The following PDZD2 variants were observed in gnomAD, a reference collection of about 807,000 sequenced individuals.
PDZD2 encodes PDZ domain containing 2.
Under a neutral mutation model 220.7 loss-of-function variants are expected in PDZD2, and 90 were observed. The observed-to-expected ratio is 0.41, with a 90% CI of 0.34 to 0.49. The LOEUF (loss-of-function observed/expected upper bound fraction) is 0.49, where lower values mean the gene tolerates loss of function less well. PDZD2 is among the 20% of genes least tolerant of loss of function. The probability of loss-of-function intolerance (pLI) is 0.28; values close to 1 mark genes in which losing one functional copy is unlikely to be tolerated. For missense variants in PDZD2, 3,174 were observed against 3,608.5 expected (o/e 0.88, Z 3.08); for synonymous variants, 1,375 against 1,450.5 (o/e 0.95, Z 1.18).
intron 2 of PDZD2, chr5:31,823,044 T>G (rs1282147255): frequency 8.7e-7 from 1 of 1,143,462 alleles, no homozygotes; most frequent in Non-Finnish European, 1.2e-6. Flanking sequence ...GCAGGGTTCC[T>G]CTGGGGCCCT....
intron 1 of PDZD2, among the ~76,000 whole-genome samples, chr5:31,640,657 T>A (rs1744914512): frequency 6.6e-6 from 1 of 152,072 alleles, no homozygotes; most frequent in African/African-American, 2.4e-5. Flanking sequence ...TTGTGGGTTG[T>A]GACTTCTGGG....
In PDZD2 at chr5:32,074,451, C is replaced by A; in HGVS notation, c.3345C>A (p.Gly1115=). The A allele has an allele frequency of 3.1e-6, 5 of 1,614,218 alleles. No homozygotes were observed. The highest frequency in any genetic ancestry group is 3.4e-6 in the Non-Finnish European group (4 of 1,180,032). ...SSPQQKSEGL[G]SRHRPVARVS... is the part of the protein sequence containing the mutation. ...CCCAGCAGAAAAGTGAAGGCCTGGGCTCCAGGCACAGACCAGTGGCCAGGG... is the reference window on the plus strand; with the variant it reads ...CCCAGCAGAAAAGTGAAGGCCTGGGATCCAGGCACAGACCAGTGGCCAGGG... Residue 1115 remains glycine (G), a synonymous_variant, in exon 18 of 25, where the codon GGC becomes GGA. Transcript: ENST00000438447.
intron 2 of PDZD2, 113 bp downstream of exon 2, chr5:31,799,837 A>G (rs1368249344): frequency 8.4e-6 from 6 of 714,368 alleles, no homozygotes; most frequent in Admixed American, 7.1e-5. Flanking sequence ...TGATGGCATA[A>G]GAAATGTCTC....
Position 32,069,560 on chromosome 5 carries a change from GA to G in PDZD2, c.2452-5del. 1.3e-6 allele frequency: 2 copies of G among 1,534,004 alleles called. No homozygotes were observed. The highest frequency in any genetic ancestry group is 1.8e-6 in the Non-Finnish European group (2 of 1,107,084). Reference sequence around the variant, plus strand: ...AACCATCTAATCTTTGCTTTCTGCTGAAAATCAGGTTTCCGAGCAGGAAATG... The same window carrying G: ...AACCATCTAATCTTTGCTTTCTGCTGAAATCAGGTTTCCGAGCAGGAAATG... On this transcript the variant is annotated splice_region_variant and splice_polypyrimidine_tract_variant and intron_variant, in intron 14 of 24. Transcript: ENST00000438447.
intron 1 of PDZD2, among the ~76,000 whole-genome samples, chr5:31,664,122 G>A (rs1423999687): frequency 1.3e-5 from 2 of 151,978 alleles, no homozygotes; most frequent in African/African-American, 4.8e-5. Flanking sequence ...TGTGTATTAG[G>A]GTAATGATAG....
chr5:31,713,321 C>T (rs913500830), intron 1 of PDZD2, among the ~76,000 whole-genome samples: 7 of 152,238 alleles, frequency 4.6e-5, no homozygotes, highest in African/African-American at 1.4e-4. Flanking sequence ...CTGGACGACC[C>T]TAGCTTCTGG....
At chr5:31,840,960 T>C (rs1414778094) in intron 2 of PDZD2, 1 of 453,906 alleles carries the variant, frequency 2.2e-6, no homozygotes, top group South Asian at 4.7e-5. Context: ...TCTTTCTCTT[T>C]GTGTTTCTCA....
intron 6 of PDZD2, among the ~76,000 whole-genome samples, chr5:32,024,696 AAG>A (rs1472157794): frequency 1.9e-5 from 2 of 104,350 alleles, no homozygotes; most frequent in African/African-American, 2.9e-5. Context: ...AAAAAAAAGA[AAG>A]AAAAAAAAGA....
At chr5:32,004,975 C>G (rs929622880) in intron 5 of PDZD2, among the ~76,000 whole-genome samples, 5 of 152,216 alleles carry the variant, frequency 3.3e-5, no homozygotes, top group African/African-American at 9.6e-5. Flanking sequence ...TCTTCCAATA[C>G]ACTCCATTTT....
intron 1 of PDZD2, among the ~76,000 whole-genome samples, chr5:31,668,671 A>G (rs1746096256): frequency 6.6e-6 from 1 of 152,136 alleles, no homozygotes; most frequent in Admixed American, 6.5e-5. Flanking sequence ...AGCTTTAAAA[A>G]CATTAATCTT....
chr5:31,826,372 T>G (rs542150369), intron 2 of PDZD2, among the ~76,000 whole-genome samples: 2 of 152,276 alleles, frequency 1.3e-5, no homozygotes, highest in African/African-American at 4.8e-5. Context: ...CTCCCTTTTA[T>G]TTTTTACAAG....
chr5:31,901,198 A>G (rs2150358101), intron 2 of PDZD2, among the ~76,000 whole-genome samples: 1 of 152,224 alleles, frequency 6.6e-6, no homozygotes, highest in South Asian at 2.1e-4. Context: ...CGGGCAGTTC[A>G]CTTAAGGTCA....
At chr5:31,652,482 C>T (rs967716465) in intron 1 of PDZD2, among the ~76,000 whole-genome samples, 2 of 152,202 alleles carry the variant, frequency 1.3e-5, no homozygotes, top group Non-Finnish European at 2.9e-5. Context: ...ACATGACACT[C>T]ATTTCTTTCC....
chr5:31,907,471 G>A (rs1341743126), intron 2 of PDZD2, among the ~76,000 whole-genome samples: 1 of 152,168 alleles, frequency 6.6e-6, no homozygotes, highest in East Asian at 1.9e-4. Context: ...TTTGAGAGGG[G>A]ACACAGTTCA....
intron 2 of PDZD2, chr5:31,840,649 C>T (rs565409004): frequency 1.7e-5 from 12 of 725,802 alleles, no homozygotes; most frequent in Admixed American, 7.4e-5. Flanking sequence ...ATTTTCCTCA[C>T]GCGTTTCAGG....
In PDZD2 at chr5:31,941,674, C is replaced by T. The variant is rs550389638; in HGVS notation, c.477-41481C>T. Among the ~76,000 whole-genome samples the T allele has an allele frequency of 3.9e-5, 6 of 152,266 alleles. No homozygotes were observed. The East Asian group carries it at 7.7e-4, about 20-fold the overall frequency. ...GAGGATGTTATTGGGGTCCCACTGG[C>T]CCATCCAAACTTTGTGTGATGAAAA... On this transcript the variant is annotated intron_variant, in intron 2 of 24. Transcript: ENST00000438447.
chr5:32,027,361 C>A (rs1032376960), intron 6 of PDZD2, among the ~76,000 whole-genome samples: 25 of 152,184 alleles, frequency 1.6e-4, no homozygotes, highest in Non-Finnish European at 5.9e-5. Context: ...TCTAAGGAAC[C>A]AAGAGATCTC....
intron 2 of PDZD2, among the ~76,000 whole-genome samples, chr5:31,810,957 C>G (rs1341050017): frequency 6.6e-6 from 1 of 152,158 alleles, no homozygotes; most frequent in Non-Finnish European, 1.5e-5. Flanking sequence ...TTAAAATGTT[C>G]TGAAGCTCTG....
At chr5:31,777,258 C>T (rs1418575596) in intron 1 of PDZD2, among the ~76,000 whole-genome samples, 2 of 152,194 alleles carry the variant, frequency 1.3e-5, no homozygotes, top group Non-Finnish European at 2.9e-5. Flanking sequence ...CCAGCAGCTG[C>T]AGAGGGGGCG....
Sources: gnomAD v4.1 joint callset for allele counts (sites outside exome capture counted in the v4.1 genomes callset) on GRCh38, gnomAD v4.1.1 for gene constraint, MANE v1.5 for transcripts, NCBI Gene and HGNC (gene_info 2026-07-23, HGNC 2026-07-21) for gene names.